MIR2052HG: variants seen among roughly 807,000 people sequenced by gnomAD.
MIR2052HG encodes the protein MIR2052 host gene.
intron 2 of MIR2052HG, among the ~76,000 whole-genome samples, chr8:74,623,652 CTG>C (rs1450273862): frequency 5.3e-5 from 8 of 152,148 alleles, no homozygotes; most frequent in African/African-American, 1.9e-4. Flanking sequence ...CTCTCTATGA[CTG>C]TGGTCAGCAT....
At chr8:74,733,164 C>A (rs188243795) in intron 4 of MIR2052HG, among the ~76,000 whole-genome samples, 449 of 152,062 alleles carry the variant, frequency 3.0e-3, no homozygotes, top group Non-Finnish European at 4.9e-3. Context: ...ATGTGCCATG[C>A]TGGTGCGCTG....
At chr8:74,674,832 A>T (rs1338204221) in intron 2 of MIR2052HG, among the ~76,000 whole-genome samples, 4 of 151,906 alleles carry the variant, frequency 2.6e-5, no homozygotes, top group Non-Finnish European at 5.9e-5. Context: ...TACTACTTAC[A>T]TACTATATGT....
At chr8:74,706,977 A>G (rs1162960085) in intron 4 of MIR2052HG, among the ~76,000 whole-genome samples, 1 of 152,132 alleles carries the variant, frequency 6.6e-6, no homozygotes, top group Non-Finnish European at 1.5e-5. Context: ...TGGTTAAGAA[A>G]TAAAAAGAGT....
intron 2 of MIR2052HG, among the ~76,000 whole-genome samples, chr8:74,676,798 T>G (rs2128738639): frequency 6.6e-6 from 1 of 152,100 alleles, no homozygotes; most frequent in South Asian, 2.1e-4. Flanking sequence ...CCAAGTGTAC[T>G]TACAACACAC....
At chr8:74,625,013 G>GATT (rs934660969) in intron 2 of MIR2052HG, among the ~76,000 whole-genome samples, 1 of 151,974 alleles carries the variant, frequency 6.6e-6, no homozygotes, top group Non-Finnish European at 1.5e-5. Flanking sequence ...TAAAAATTGT[G>GATT]ATTATTATTA....
At chr8:74,617,292 T>C (rs1808296482) in intron 2 of MIR2052HG, among the ~76,000 whole-genome samples, 1 of 152,136 alleles carries the variant, frequency 6.6e-6, no homozygotes, top group South Asian at 2.1e-4. Flanking sequence ...GCTCCGTATG[T>C]CCATGTGTGC....
intron 2 of MIR2052HG, among the ~76,000 whole-genome samples, chr8:74,673,627 C>T (rs925121251): frequency 4.0e-5 from 6 of 151,890 alleles, no homozygotes; most frequent in African/African-American, 4.8e-5. Flanking sequence ...GCCAGGACCA[C>T]GTCCATCAAT....
At chr8:74,756,053 G>A (rs1809996788) in intron 5 of MIR2052HG, among the ~76,000 whole-genome samples, 1 of 152,200 alleles carries the variant, frequency 6.6e-6, no homozygotes, top group African/African-American at 2.4e-5. Flanking sequence ...CTGCACTCCT[G>A]AAAGACTGAC....
chr8:74,658,604 T>C (rs1230215305), intron 2 of MIR2052HG, among the ~76,000 whole-genome samples: 3 of 152,302 alleles, frequency 2.0e-5, no homozygotes, highest in East Asian at 3.9e-4. Context: ...TAGGCTGGTC[T>C]CGAACTCCTG....
chr8:74,689,172 G>A (rs1486447802), intron 2 of MIR2052HG, among the ~76,000 whole-genome samples: 1 of 152,066 alleles, frequency 6.6e-6, no homozygotes, highest in East Asian at 1.9e-4. Flanking sequence ...ATATGTGCTT[G>A]GGATGTCTCA....
intron 2 of MIR2052HG, among the ~76,000 whole-genome samples, chr8:74,699,696 C>T (rs754280337): frequency 6.6e-6 from 1 of 151,892 alleles, no homozygotes; most frequent in Non-Finnish European, 1.5e-5. Context: ...GCACACTGTT[C>T]GGGTCACGGG....
intron 2 of MIR2052HG, among the ~76,000 whole-genome samples, chr8:74,630,232 C>T (rs1012201968): frequency 1.3e-5 from 2 of 152,160 alleles, no homozygotes; most frequent in Non-Finnish European, 2.9e-5. Context: ...ATACTCCCCT[C>T]CTTACCCATT....
Position 74,635,600 on chromosome 8 carries a change from A to G in MIR2052HG, n.216+22660A>G, listed in dbSNP as rs1420112616. Among the ~76,000 whole-genome samples the G allele has an allele frequency of 2.6e-5, 4 of 152,238 alleles. No homozygotes were observed. The East Asian group carries it at 7.7e-4, about 29-fold the overall frequency. On this transcript the variant is annotated intron_variant and non_coding_transcript_variant, in intron 2 of 6. Coordinates refer to ENST00000523442, the Ensembl canonical transcript of MIR2052HG. ...TCAAACTGGGGTCATCTTTAATGCCAGGCTGAAGAATTTGACCTTTATTTA... is the reference window on the plus strand; with the variant it reads ...TCAAACTGGGGTCATCTTTAATGCCGGGCTGAAGAATTTGACCTTTATTTA...
At chr8:74,689,524 G>A (rs1809218040) in intron 2 of MIR2052HG, among the ~76,000 whole-genome samples, 1 of 152,176 alleles carries the variant, frequency 6.6e-6, no homozygotes, top group Admixed American at 6.6e-5. Context: ...TTAGTTTGCT[G>A]AAGTCAGAAA....
intron 4 of MIR2052HG, among the ~76,000 whole-genome samples, chr8:74,720,583 T>C (rs1200551979): frequency 6.6e-6 from 1 of 152,212 alleles, no homozygotes; most frequent in East Asian, 1.9e-4. Flanking sequence ...ACCTGATTGC[T>C]AATCCAATGC....
At chr8:74,640,467 CAAAA>C (rs35779504) in intron 2 of MIR2052HG, among the ~76,000 whole-genome samples, 3 of 83,586 alleles carry the variant, frequency 3.6e-5, no homozygotes, top group East Asian at 3.9e-4. Context: ...GACTCCGTCT[CAAAA>C]AAAAAAAAAA....
intron 2 of MIR2052HG, among the ~76,000 whole-genome samples, chr8:74,686,032 T>G (rs1412827833): frequency 3.3e-5 from 5 of 152,010 alleles, no homozygotes; most frequent in Admixed American, 3.3e-4. Context: ...ATAACTGCTC[T>G]GCTTATACTT....
intron 2 of MIR2052HG, among the ~76,000 whole-genome samples, chr8:74,651,070 G>C (rs1301251306): frequency 6.6e-6 from 1 of 151,212 alleles, no homozygotes; most frequent in Non-Finnish European, 1.5e-5. Context: ...AATCATCTGT[G>C]TATACGTTTG....
At chr8:74,690,842 G>A (rs1275906029) in intron 2 of MIR2052HG, among the ~76,000 whole-genome samples, 1 of 151,946 alleles carries the variant, frequency 6.6e-6, no homozygotes, top group East Asian at 1.9e-4. Context: ...GTACCCACAA[G>A]GAGGTGTAAG....
Sources: gnomAD v4.1 joint callset for allele counts (sites outside exome capture counted in the v4.1 genomes callset) on GRCh38, gnomAD v4.1.1 for gene constraint, MANE v1.5 for transcripts, NCBI Gene and HGNC (gene_info 2026-07-23, HGNC 2026-07-21) for gene names.